BRF1: variants seen among roughly 807,000 people sequenced by gnomAD.
BRF1 encodes BRF1 general transcription factor IIIB subunit, also known as transcription factor IIIB 90 kDa subunit.
BRF1 carries 59 observed loss-of-function variants against 81.7 expected under a neutral mutation model. The ratio of observed to expected loss-of-function variants is 0.72; its 90% CI spans 0.59 to 0.90. The LOEUF (loss-of-function observed/expected upper bound fraction) is 0.90. BRF1 is among the 40% of genes least tolerant of loss of function. The probability of loss-of-function intolerance (pLI) is 0.00; values close to 1 mark genes in which losing one functional copy is unlikely to be tolerated. For missense variants in BRF1, 1,050 were observed against 936.3 expected, an observed-to-expected ratio of 1.12 and a Z score of -1.58; for synonymous variants, 491 against 395.6, an observed-to-expected ratio of 1.24 and a Z score of -2.86.
At chr14:105,249,264 C>T (rs766533095) in intron 5 of BRF1, 8 of 1,563,748 alleles carry the variant, frequency 5.1e-6, no homozygotes, top group East Asian at 2.3e-5. Context: ...AGCGGCGGCC[C>T]CTCTCGGAAC....
intron 5 of BRF1, chr14:105,241,752 C>T: frequency 2.9e-6 from 1 of 345,898 alleles, no homozygotes. Flanking sequence ...GCACCACACG[C>T]AACAACGGTC....
intron 15 of BRF1, among the ~76,000 whole-genome samples, chr14:105,214,539 C>T (rs1890747037): frequency 1.4e-5 from 1 of 72,004 alleles, no homozygotes; most frequent in Non-Finnish European, 2.8e-5. Flanking sequence ...GCTCAGCTGC[C>T]CACACCCCTG....
At chr14:105,228,557 A>C (rs2054186718) in intron 7 of BRF1, among the ~76,000 whole-genome samples, 1 of 151,900 alleles carries the variant, frequency 6.6e-6, no homozygotes, top group Non-Finnish European at 1.5e-5. Flanking sequence ...AAAAAAAAAA[A>C]AATACAGGGA....
intron 3 of BRF1, among the ~76,000 whole-genome samples, chr14:105,270,304 G>A (rs1015615389): frequency 2.6e-5 from 4 of 151,856 alleles, no homozygotes; most frequent in Admixed American, 2.6e-4. Context: ...CTCCCGAGTA[G>A]CTGGGACTAC....
At position 105,229,644 on chromosome 14, in the gene BRF1, G is replaced by A. The variant is rs587649129; in HGVS notation, c.695-731C>T. Among the ~76,000 whole-genome samples, 17 of 151,064 alleles carry A rather than the reference G, an allele frequency of 1.1e-4. No homozygotes were observed. In the East Asian group the frequency reaches 1.2e-3, roughly 10 times the overall value. The stretch of plus-strand genomic sequence containing the variant: ...CTAGAACAGTCGCCCAGCTGGGGGC[G>A]GGGGACAGCCTGGCAGCCCCGTGGC... On this transcript the variant is annotated intron_variant, in intron 6 of 17. Coordinates refer to ENST00000547530, the MANE Select transcript of BRF1 (RefSeq NM_001519.4).
rs764832274 is a variant in BRF1 at position 105,221,746 on chromosome 14, G to A, written c.1217C>T (p.Pro406Leu). ...GGGGTCCAGCAGGGACCCCAGGGCC[G>A]GAGGTCTGCCGCCCCACTCGGGGCT... ...AGSPEWGGRP[P>L]ALGSLLDPLP... The change falls in exon 11 of 18, where the codon CCG (proline) becomes CTG (leucine). Residue 406 changes from proline (P) to leucine (L), a missense_variant. By Grantham distance (98) the Pro-to-Leu change is moderately conservative (BLOSUM62 -3). This residue lies in a region of BRF1 where 1,043 missense variants were observed against 915.4 expected (regional missense o/e 1.14). Coordinates refer to ENST00000547530, the MANE Select transcript of BRF1 (RefSeq NM_001519.4). 58 of 1,610,660 alleles carry A rather than the reference G, an allele frequency of 3.6e-5. No individual in the cohort carries two copies. Among genetic ancestry groups the A allele is most frequent in the Non-Finnish European group, 4.2e-5 (49 of 1,179,520 alleles).
At chr14:105,249,160 C>T (rs774487122) in intron 5 of BRF1, 10 of 1,576,916 alleles carry the variant, frequency 6.3e-6, no homozygotes, top group South Asian at 3.4e-5. Context: ...TTTGCAGGAA[C>T]GCGCTCATGT....
In BRF1 at chr14:105,212,218, C is replaced by T. The variant is rs1424147295; in HGVS notation, c.1773-54G>A. On this transcript the variant is annotated intron_variant, in intron 15 of 17. Coordinates refer to ENST00000547530, the MANE Select transcript of BRF1 (RefSeq NM_001519.4). ...TCAGCCCAGGCTCCCGAACGCCTGCCCACTTGTTCCCTTTTGCCCATCTTC... is the reference window on the plus strand; with the variant it reads ...TCAGCCCAGGCTCCCGAACGCCTGCTCACTTGTTCCCTTTTGCCCATCTTC... The T allele has an allele frequency of 3.2e-6, 5 of 1,575,628 alleles. No homozygotes were observed. The South Asian group carries it at 3.4e-5, about 11-fold the overall frequency.
At chr14:105,311,420 C>A (rs760684886) in intron 1 of BRF1, among the ~76,000 whole-genome samples, 17 of 151,954 alleles carry the variant, frequency 1.1e-4, no homozygotes, top group Non-Finnish European at 1.8e-4. Context: ...TGCCCAGGTA[C>A]GTTTTTGTAT....
chr14:105,241,318 A>T lies in BRF1; in HGVS notation c.641T>A (p.Met214Lys). 6.2e-7 allele frequency: 1 copy of T among 1,612,722 alleles called. No homozygotes were observed. The highest frequency in any genetic ancestry group is 8.5e-7 in the Non-Finnish European group (1 of 1,179,934). ...SMTALRLLQR[M>K]KRDWMHTGRR... ...GCCTGTGTGCATCCAGTCCCGCTTC[A>T]TCCTCTGTAGGAGCCTCAGGGCAGT... The change falls in exon 6 of 18, where the codon ATG becomes AAG. Residue 214 changes from methionine (M) to lysine (K), a missense_variant. By Grantham distance (95) the Met-to-Lys change is moderately conservative. Around this residue, in one of 2 missense-constraint regions of BRF1, gnomAD observed 1,043 missense variants for 915.4 expected, o/e 1.14. Transcript: ENST00000547530.
At chr14:105,214,683 C>T (rs1890785408) in intron 15 of BRF1, among the ~76,000 whole-genome samples, 1 of 152,210 alleles carries the variant, frequency 6.6e-6, no homozygotes, top group Non-Finnish European at 1.5e-5. Flanking sequence ...GGGTGCAGCT[C>T]AGGCTGGTTC....
rs372061930 is a variant in BRF1 at position 105,296,243 on chromosome 14, G to A, written c.184+4203C>T. On this transcript the variant is annotated intron_variant, in intron 1 of 17. Coordinates refer to ENST00000547530, the MANE Select transcript of BRF1 (RefSeq NM_001519.4). ...TCTCTACTAAAAATACAAAAACTGC[G>A]GCCGGGTGCAACAGCTCACACCTGT... is the stretch of plus-strand genomic sequence containing the variant. 7.8e-4 allele frequency among the ~76,000 whole-genome samples: 119 copies of A among 152,130 alleles called. 1 individual carries two copies. The South Asian group carries it at 0.016, about 20-fold the overall frequency.
At chr14:105,229,596 C>A (rs879267144) in intron 6 of BRF1, among the ~76,000 whole-genome samples, 2 of 152,204 alleles carry the variant, frequency 1.3e-5, no homozygotes, top group South Asian at 2.1e-4. Flanking sequence ...ACAGCTGCGA[C>A]CTGGGGGGTC....
chr14:105,226,108 G>T lies in BRF1; in HGVS notation c.1009C>A (p.Pro337Thr), dbSNP rs758490702. 7 of 1,613,910 alleles carry T rather than the reference G, an allele frequency of 4.3e-6. No homozygotes were observed. In the South Asian group the frequency reaches 7.7e-5, roughly 18 times the overall value. The change falls in exon 10 of 18, where the codon CCA becomes ACA. Residue 337 changes from proline (P) to threonine (T), a missense_variant. By Grantham distance (38) the Pro-to-Thr change is conservative. This residue lies in a region of BRF1 where 1,043 missense variants were observed against 915.4 expected (regional missense o/e 1.14). Coordinates refer to ENST00000547530, the MANE Select transcript of BRF1 (RefSeq NM_001519.4). ...CTGGCCAGGCCCCCCTTGGCCTTTGGCCGGCTGTTTTCTAGTTCAATCTCA... is the reference window on the plus strand; with the variant it reads ...CTGGCCAGGCCCCCCTTGGCCTTTGTCCGGCTGTTTTCTAGTTCAATCTCA... ...AIEIELENSRPKAKGGLASLA... is the reference protein window; with the variant it reads ...AIEIELENSRTKAKGGLASLA...
intron 3 of BRF1, among the ~76,000 whole-genome samples, chr14:105,260,870 C>T (rs185961823): frequency 1.1e-3 from 163 of 152,338 alleles, no homozygotes; most frequent in African/African-American, 3.8e-3. Flanking sequence ...ATGTGCTTCC[C>T]TTGTGAGGAT....
chr14:105,256,269 C>G, intron 4 of BRF1: 1 of 1,544,972 alleles, frequency 6.5e-7, no homozygotes, highest in South Asian at 1.2e-5. Flanking sequence ...TAGCTAACAC[C>G]CAACCGTGCC....
At position 105,210,447 on chromosome 14, in the gene BRF1, GTC is replaced by G. The variant is rs1889931258; in HGVS notation, c.*102_*103del. The stretch of plus-strand genomic sequence containing the variant: ...GGACAGGTGCCACCTGTCACCAGGA[GTC>G]TCGGCGCTGGGGCCTGCCTGCTGCG... On this transcript the variant is annotated 3_prime_UTR_variant, in exon 18 of 18. Transcript: ENST00000547530. This position sits in a 1 kb window ranked among gnomAD's most constrained non-coding sequence, Gnocchi z 4.7. 7.6e-7 allele frequency: 1 copy of G among 1,319,294 alleles called. No homozygotes were observed. The highest frequency in any genetic ancestry group is 1.1e-6 in the Non-Finnish European group (1 of 948,496). 81.7% of individuals were successfully genotyped at this position (1,319,294 alleles called of 1,614,324 possible).
intron 10 of BRF1, among the ~76,000 whole-genome samples, chr14:105,224,731 A>G (rs587728464): frequency 2.6e-5 from 4 of 152,254 alleles, no homozygotes; most frequent in African/African-American, 7.2e-5. Flanking sequence ...TATTTTTTGT[A>G]GAGATGGGGT....
intron 15 of BRF1, chr14:105,217,284 G>A (rs1035369595): frequency 1.7e-6 from 1 of 596,718 alleles, no homozygotes; most frequent in African/African-American, 1.9e-5. Context: ...CCCTCCTTGG[G>A]ACAAAACAGA....
Sources: gnomAD v4.1 joint callset for allele counts (sites outside exome capture counted in the v4.1 genomes callset) on GRCh38, gnomAD v4.1.1 for gene constraint, gnomAD v4.1.1 regional missense constraint, Gnocchi (gnomAD v3.1) non-coding constraint, MANE v1.5 for transcripts, NCBI Gene and HGNC (gene_info 2026-07-23, HGNC 2026-07-21) for gene names.